Variants in IRAG2 observed in about 807,000 individuals in gnomAD.
IRAG2 encodes inositol 1,4,5-triphosphate receptor associated 2.
A neutral mutation model predicts 69.9 loss-of-function variants in IRAG2; 45 were observed. That is an observed-to-expected ratio of 0.64 (90% CI 0.51 to 0.83). IRAG2 has a LOEUF of 0.83. IRAG2 is among the 40% of genes least tolerant of loss of function. The pLI, the probability that IRAG2 is intolerant of heterozygous loss-of-function variation, is 0.00. For synonymous variants in IRAG2, 193 were observed against 202.4 expected, an observed-to-expected ratio of 0.95 and a Z score of 0.40; for missense variants, 520 against 587.0, an observed-to-expected ratio of 0.89 and a Z score of 1.18.
At chr12:25,025,134 G>A (rs1010276758) in intron 8 of IRAG2, among the ~76,000 whole-genome samples, 2 of 152,186 alleles carry the variant, frequency 1.3e-5, no homozygotes, top group African/African-American at 4.8e-5. Context: ...CTGACTATAT[G>A]AGCTTAGCAA....
chr12:25,085,232 G>GA (rs1947490764), intron 10 of IRAG2, among the ~76,000 whole-genome samples: 1 of 152,276 alleles, frequency 6.6e-6, no homozygotes, highest in South Asian at 2.1e-4. Flanking sequence ...TGTCCCAAAA[G>GA]AATCAGATCA....
intron 6 of IRAG2, among the ~76,000 whole-genome samples, chr12:25,072,066 A>G (rs1030722382): frequency 6.6e-6 from 1 of 152,102 alleles, no homozygotes; most frequent in African/African-American, 2.4e-5. Context: ...TTAGCCAGGC[A>G]TGGTGGCAGG....
At chr12:25,090,502 A>G (rs1156773011) in intron 14 of IRAG2, among the ~76,000 whole-genome samples, 32 of 152,196 alleles carry the variant, frequency 2.1e-4, no homozygotes. Flanking sequence ...CTATAATCAC[A>G]CCATTGCATA....
chr12:25,022,655 G>A (rs1386685262), intron 7 of IRAG2, among the ~76,000 whole-genome samples: 1 of 152,150 alleles, frequency 6.6e-6, no homozygotes, highest in East Asian at 1.9e-4. Context: ...CTATATTTTT[G>A]TGTACTAAAA....
chr12:25,021,059 A>C (rs1944574522), intron 7 of IRAG2: 2 of 401,088 alleles, frequency 5.0e-6, no homozygotes, highest in Non-Finnish European at 8.7e-6. Context: ...GGATTTTTTT[A>C]AATCTGTGTT....
chr12:25,061,448 C>T (rs557658527), intron 1 of IRAG2, 144 bp from the exon 2 acceptor site: 32 of 391,956 alleles, frequency 8.2e-5, no homozygotes, highest in African/African-American at 1.9e-4. Flanking sequence ...TGGCTTCAGC[C>T]CAGGAGGCAG....
intron 9 of IRAG2, among the ~76,000 whole-genome samples, chr12:25,028,772 A>T (rs1944645457): frequency 6.6e-6 from 1 of 152,200 alleles, no homozygotes; most frequent in Admixed American, 6.5e-5. Context: ...AAATTTCTAC[A>T]TTCTGATGTA....
Position 25,107,105 on chromosome 12 carries a change from G to C in IRAG2, c.1256+55G>C, listed in dbSNP as rs773439643. The C allele has an allele frequency of 3.5e-4, 336 of 963,144 alleles. 1 individual carries two copies. The highest frequency in any genetic ancestry group is 5.3e-4 in the Non-Finnish European group (327 of 621,808). 59.7% of individuals were successfully genotyped at this position (963,144 alleles called of 1,614,324 possible). ...TTTTAGTGGAATGGGAAAGGGTGAGGCAGGGCTGACAGTATTAATCCTAAT... is the reference window on the plus strand; with the variant it reads ...TTTTAGTGGAATGGGAAAGGGTGAGCCAGGGCTGACAGTATTAATCCTAAT... On this transcript the variant is annotated intron_variant, in intron 21 of 21. Transcript: ENST00000556887.
intron 6 of IRAG2, among the ~76,000 whole-genome samples, chr12:25,078,320 T>C (rs1946962782): frequency 1.3e-5 from 2 of 152,212 alleles, no homozygotes; most frequent in Admixed American, 1.3e-4. Context: ...TGTCTGTGAC[T>C]ATGGGAGATA....
At chr12:25,030,897 T>C in intron 10 of IRAG2, 1 of 326,336 alleles carries the variant, frequency 3.1e-6, no homozygotes. Context: ...CATTTTAGGG[T>C]GGAAGAAGAA....
rs971866972 is a variant in IRAG2 at position 25,010,902 on chromosome 12, C to G, written c.689-442C>G. 2.0e-5 allele frequency among the ~76,000 whole-genome samples: 3 copies of G among 152,138 alleles called. No individual in the cohort carries two copies. In the East Asian group the frequency reaches 5.8e-4, roughly 29 times the overall value. On this transcript the variant is annotated intron_variant, in intron 2 of 38. Coordinates refer to the IRAG2 transcript ENST00000636465. ...TGACTGTCTAAAAATGCCTCCTCCA[C>G]CCCCTAAAAAGTAGAAATTTTCACT...
At chr12:25,055,728 A>G (rs1591954906) in intron 1 of IRAG2, among the ~76,000 whole-genome samples, 1 of 152,286 alleles carries the variant, frequency 6.6e-6, no homozygotes, top group Non-Finnish European at 1.5e-5. Flanking sequence ...TCCTTGCGAT[A>G]GTTTGCTCAG....
intron 6 of IRAG2, among the ~76,000 whole-genome samples, chr12:25,019,188 C>T (rs1944556515): frequency 6.6e-6 from 1 of 152,116 alleles, no homozygotes; most frequent in Non-Finnish European, 1.5e-5. Context: ...CCTCTGGAGC[C>T]CCAGAGGGCA....
chr12:25,059,861 T>C (rs1281354060), intron 1 of IRAG2, among the ~76,000 whole-genome samples: 1 of 152,210 alleles, frequency 6.6e-6, no homozygotes, highest in Admixed American at 6.5e-5. Flanking sequence ...GCCTTTTTCC[T>C]GAAAAAAATT....
intron 20 of IRAG2, among the ~76,000 whole-genome samples, chr12:25,106,461 TTATA>T (rs947751493): frequency 1.5e-5 from 2 of 135,162 alleles, no homozygotes; most frequent in African/African-American, 5.4e-5. Context: ...TGTGTATATA[TTATA>T]TATAAATATG....
intron 2 of IRAG2, 24 bp from the exon 3 acceptor site, chr12:25,062,796 C>T (rs751881359): frequency 2.5e-6 from 1 of 398,820 alleles, no homozygotes; most frequent in African/African-American, 2.1e-5. Flanking sequence ...TCTTTGAATA[C>T]ACTCTACCAT....
chr12:25,095,645 T>C (rs898892216), intron 14 of IRAG2, among the ~76,000 whole-genome samples: 1 of 152,208 alleles, frequency 6.6e-6, no homozygotes, highest in Non-Finnish European at 1.5e-5. Context: ...ATTAAGGTAA[T>C]GTGGACTTCA....
At chr12:25,076,600 C>T in intron 6 of IRAG2, 2 of 982,780 alleles carry the variant, frequency 2.0e-6, no homozygotes, top group Non-Finnish European at 2.4e-6. Flanking sequence ...ACTGCATTCT[C>T]TTTCATATTT....
chr12:25,090,379 C>CAA lies in IRAG2; in HGVS notation c.606+197_606+198dup, dbSNP rs56280849. Among the ~76,000 whole-genome samples, 399 of 144,012 alleles carry CAA rather than the reference C, an allele frequency of 2.8e-3. 1 individual carries two copies. Among genetic ancestry groups the CAA allele is most frequent in the Non-Finnish European group, 4.1e-3 (272 of 66,048 alleles). The allele number at this position is 144,012 out of a possible 152,430, so 94.5% of individuals were successfully genotyped here. On this transcript the variant is annotated intron_variant, in intron 14 of 21. Coordinates refer to ENST00000556887, the MANE Select transcript of IRAG2 (RefSeq NM_001366544.2). ...CAACATAGTGGGACCCCATCTCTAC[C>CAA]AAAAAAAAAAAAAAAATCAGCCAGG...
Sources: gnomAD v4.1 joint callset for allele counts (sites outside exome capture counted in the v4.1 genomes callset) on GRCh38, gnomAD v4.1.1 for gene constraint, MANE v1.5 for transcripts, NCBI Gene and HGNC (gene_info 2026-07-23, HGNC 2026-07-21) for gene names.